Variants in LTBP1 observed in about 807,000 individuals in gnomAD.
The protein encoded by LTBP1 is latent transforming growth factor beta binding protein 1.
A neutral mutation model predicts 207.6 loss-of-function variants in LTBP1; 129 were observed. The observed-to-expected ratio is 0.62, with a 90% CI of 0.54 to 0.72. LTBP1 has a LOEUF of 0.72. LTBP1 is among the 30% of genes least tolerant of loss of function. LTBP1 has a pLI of 0.00. For missense variants in LTBP1, 2,281 were observed against 2,217.2 expected (o/e 1.03, Z -0.58); for synonymous variants, 963 against 833.7 (o/e 1.16, Z -2.67).
intron 10 of LTBP1, among the ~76,000 whole-genome samples, chr2:33,252,107 G>A (rs1253724644): frequency 6.6e-6 from 1 of 152,206 alleles, no homozygotes; most frequent in South Asian, 2.1e-4. Context: ...GGCTAGAACA[G>A]GGGCCTTGTG....
At chr2:33,123,622 C>T (rs930901823) in intron 4 of LTBP1, among the ~76,000 whole-genome samples, 2 of 152,138 alleles carry the variant, frequency 1.3e-5, no homozygotes, top group East Asian at 3.8e-4. Context: ...ATACTCTGAG[C>T]AAGAAAATAC....
intron 16 of LTBP1, among the ~76,000 whole-genome samples, chr2:33,274,317 G>A (rs1457943637): frequency 1.4e-5 from 2 of 147,922 alleles, no homozygotes; most frequent in Non-Finnish European, 1.5e-5. Context: ...TCATTTTAAT[G>A]TGACTCTAAA....
At chr2:33,050,980 C>A (rs2076708757) in intron 3 of LTBP1, among the ~76,000 whole-genome samples, 1 of 152,146 alleles carries the variant, frequency 6.6e-6, no homozygotes, top group African/African-American at 2.4e-5. Context: ...ACCTTGGCCT[C>A]CCAAAGTGCT....
intron 7 of LTBP1, among the ~76,000 whole-genome samples, chr2:33,205,358 G>A (rs1185242291): frequency 6.6e-6 from 1 of 152,130 alleles, no homozygotes; most frequent in Non-Finnish European, 1.5e-5. Flanking sequence ...CTTTTTATAA[G>A]GCCAGGATCA....
At chr2:33,004,816 A>ATATATATATATATATATATATAG (rs1558501569) in intron 2 of LTBP1, among the ~76,000 whole-genome samples, 1 of 72,042 alleles carries the variant, frequency 1.4e-5, no homozygotes, top group African/African-American at 4.0e-5. Flanking sequence ...TATATATATA[A>ATATATATATATATATATATATAG]ACATAAAATT....
chr2:33,385,272 A>G (rs1180441729), intron 31 of LTBP1, among the ~76,000 whole-genome samples: 2 of 152,190 alleles, frequency 1.3e-5, no homozygotes, highest in African/African-American at 4.8e-5. Flanking sequence ...TAGTCTTGAA[A>G]CAAGATTTAA....
intron 2 of LTBP1, among the ~76,000 whole-genome samples, chr2:32,976,486 G>A (rs1681800452): frequency 6.6e-6 from 1 of 152,240 alleles, no homozygotes; most frequent in South Asian, 2.1e-4. Flanking sequence ...TGGGCTGTGA[G>A]CCAGTAGGCA....
At chr2:33,030,594 G>T (rs2075647955) in intron 3 of LTBP1, among the ~76,000 whole-genome samples, 1 of 152,196 alleles carries the variant, frequency 6.6e-6, no homozygotes, top group Non-Finnish European at 1.5e-5. Flanking sequence ...TATTTGAAAT[G>T]CTTTACATAA....
intron 5 of LTBP1, among the ~76,000 whole-genome samples, chr2:33,167,701 G>A (rs918650080): frequency 6.6e-6 from 1 of 152,226 alleles, no homozygotes. Context: ...GAAGAGGAAA[G>A]AGGCTGTATA....
Position 33,188,797 on chromosome 2 carries a change from C to T in LTBP1, c.1647C>T (p.Pro549=), listed in dbSNP as rs759105216. 14 of 1,614,188 alleles carry T rather than the reference C, an allele frequency of 8.7e-6. No individual in the cohort carries two copies. The highest frequency in any genetic ancestry group is 3.3e-5 in the Admixed American group (2 of 60,030). Residue 549 remains proline (P), a synonymous_variant, in exon 7 of 34, where the codon CCC becomes CCT. Coordinates refer to ENST00000404816, the MANE Select transcript of LTBP1 (RefSeq NM_206943.4). ...SHQQVIPHVY[P]VAAKTQLGRC... ...AGCAGGTCATTCCTCACGTCTACCC[C>T]GTGGCTGCTAAGACACAGCTTGGCC...
chr2:33,182,417 C>G (rs1473299906), intron 5 of LTBP1, among the ~76,000 whole-genome samples: 1 of 151,870 alleles, frequency 6.6e-6, no homozygotes, highest in African/African-American at 2.4e-5. Context: ...AATCTCAGCA[C>G]TTTGGGAGGC....
Position 33,187,094 on chromosome 2 carries a change from A to G in LTBP1, c.1426+14A>G, listed in dbSNP as rs907721423. On this transcript the variant is annotated intron_variant, in intron 6 of 33. Transcript: ENST00000404816. Reference sequence around the variant, plus strand: ...AAGGAGTCAAAGGTAAGCTTTTTTCATTCCGCCCATTTGCCAGACCTCTGT... The same window carrying G: ...AAGGAGTCAAAGGTAAGCTTTTTTCGTTCCGCCCATTTGCCAGACCTCTGT... The G allele has an allele frequency of 6.2e-7, 1 of 1,610,012 alleles. No homozygotes were observed. Among genetic ancestry groups the G allele is most frequent in the Non-Finnish European group, 8.5e-7 (1 of 1,176,884 alleles).
intron 22 of LTBP1, among the ~76,000 whole-genome samples, chr2:33,305,721 G>A (rs994484893): frequency 1.3e-5 from 2 of 152,130 alleles, no homozygotes; most frequent in African/African-American, 4.8e-5. Flanking sequence ...TAAATCCCGG[G>A]CCCTCCAACA....
At chr2:33,259,740 ATAGCAT>A in intron 13 of LTBP1, 130 bp downstream of exon 13, 1 of 777,914 alleles carries the variant, frequency 1.3e-6, no homozygotes, top group Non-Finnish European at 1.9e-6. Context: ...TTGAGTTAAT[ATAGCAT>A]TCAGTTATTC....
intron 2 of LTBP1, among the ~76,000 whole-genome samples, chr2:32,975,407 A>T (rs1681550656): frequency 6.6e-6 from 1 of 152,040 alleles, no homozygotes; most frequent in African/African-American, 2.4e-5. Context: ...TATTTCCTGA[A>T]TTTGAATGTT....
intron 2 of LTBP1, among the ~76,000 whole-genome samples, chr2:33,015,138 C>T (rs1301220036): frequency 6.6e-6 from 1 of 152,134 alleles, no homozygotes; most frequent in Non-Finnish European, 1.5e-5. Context: ...TTCACTGTCG[C>T]TACTCTTCAG....
At chr2:33,355,185 TTG>T (rs934470268) in intron 26 of LTBP1, among the ~76,000 whole-genome samples, 7 of 151,940 alleles carry the variant, frequency 4.6e-5, no homozygotes, top group Non-Finnish European at 8.8e-5. Flanking sequence ...TGGGTTTGTG[TTG>T]TGTGTCATCT....
chr2:32,999,211 A>C (rs1164611037), intron 2 of LTBP1, among the ~76,000 whole-genome samples: 1 of 152,182 alleles, frequency 6.6e-6, no homozygotes, highest in Non-Finnish European at 1.5e-5. Context: ...CCCCACCTTT[A>C]CCAACTGAAT....
chr2:33,250,372 C>A (rs989576637), intron 10 of LTBP1, among the ~76,000 whole-genome samples: 8 of 152,174 alleles, frequency 5.3e-5, no homozygotes, highest in Non-Finnish European at 1.2e-4. Flanking sequence ...CTGGTGCTCA[C>A]CCCCTCCACA....
Sources: allele counts gnomAD v4.1 joint callset (sites outside exome capture counted in the v4.1 genomes callset), GRCh38; gene constraint gnomAD v4.1.1; transcripts MANE v1.5; gene names NCBI Gene and HGNC (gene_info 2026-07-23, HGNC 2026-07-21).